The following SP4 variants were observed in gnomAD, a reference collection of about 807,000 sequenced individuals.
SP4 encodes transcription factor Sp4.
Under a neutral mutation model 72.8 loss-of-function variants are expected in SP4, and 19 were observed. That is an observed-to-expected ratio of 0.26 (90% confidence interval 0.18 to 0.38). The LOEUF is 0.38. Among genes scored for constraint, SP4 ranks in the 10% least tolerant of loss-of-function variants. SP4 has a pLI of 1.00. For synonymous variants in SP4, 395 were observed against 333.1 expected, an observed-to-expected ratio of 1.19 and a Z score of -2.02; for missense variants, 1,008 against 926.3, an observed-to-expected ratio of 1.09 and a Z score of -1.14.
intron 5 of SP4, among the ~76,000 whole-genome samples, chr7:21,488,395 A>T (rs58025439): frequency 0.036 from 5,395 of 151,764 alleles, 353 homozygotes; most frequent in East Asian, 0.27. Context: ...ACTGTCTTCT[A>T]GAACATATTC....
chr7:21,446,259 C>T (rs1783423181), intron 3 of SP4, among the ~76,000 whole-genome samples: 2 of 152,020 alleles, frequency 1.3e-5, no homozygotes, highest in Non-Finnish European at 2.9e-5. Context: ...CTATCCTTAC[C>T]CTAAGCCACA....
At chr7:21,455,610 A>G (rs1201033801) in intron 3 of SP4, among the ~76,000 whole-genome samples, 1 of 152,126 alleles carries the variant, frequency 6.6e-6, no homozygotes, top group Admixed American at 6.6e-5. Flanking sequence ...CCCATTTGAG[A>G]ACATTGGAGA....
At chr7:21,500,688 C>A (rs1409477687) in intron 5 of SP4, among the ~76,000 whole-genome samples, 1 of 152,134 alleles carries the variant, frequency 6.6e-6, no homozygotes, top group African/African-American at 2.4e-5. Flanking sequence ...TCCATGTGGC[C>A]CCCTCCAGCA....
intron 3 of SP4, among the ~76,000 whole-genome samples, chr7:21,460,001 A>G (rs1367449593): frequency 6.6e-6 from 1 of 152,250 alleles, no homozygotes; most frequent in African/African-American, 2.4e-5. Flanking sequence ...AAAGATGGTA[A>G]TACTAAAATT....
chr7:21,501,155 G>C (rs1237554817), intron 5 of SP4, among the ~76,000 whole-genome samples: 1 of 152,056 alleles, frequency 6.6e-6, no homozygotes, highest in African/African-American at 2.4e-5. Context: ...CCCTGCTTAA[G>C]TTTCGATTTC....
intron 3 of SP4, 113 bp downstream of exon 3, chr7:21,430,956 T>C (rs906355416): frequency 5.5e-6 from 4 of 724,048 alleles, no homozygotes; most frequent in East Asian, 2.6e-5. Context: ...CACACAATCA[T>C]AAGGAACCAG....
In SP4 at chr7:21,444,078, G is replaced by GT. The variant is rs1168721982; in HGVS notation, c.1678+13239dup. Among the ~76,000 whole-genome samples, 25 of 152,152 alleles carry GT rather than the reference G, an allele frequency of 1.6e-4. 1 individual carries two copies. Among genetic ancestry groups the GT allele is most frequent in the Admixed American group, 1.6e-3 (25 of 15,270 alleles). On this transcript the variant is annotated intron_variant, in intron 3 of 5. Coordinates refer to ENST00000222584, the MANE Select transcript of SP4 (RefSeq NM_003112.5). ...ATTTTAATTATAGGGCAAGTAAATG[G>GT]TTTTAATATCCCCTTGTTAGACTTT...
At chr7:21,456,338 CA>C (rs1323898446) in intron 3 of SP4, among the ~76,000 whole-genome samples, 2 of 152,170 alleles carry the variant, frequency 1.3e-5, no homozygotes, top group Non-Finnish European at 2.9e-5. Flanking sequence ...TTAACAGGAA[CA>C]AAAGGTGTAT....
At chr7:21,508,634 A>G (rs1298570038) in intron 5 of SP4, among the ~76,000 whole-genome samples, 1 of 151,876 alleles carries the variant, frequency 6.6e-6, no homozygotes, top group Non-Finnish European at 1.5e-5. Context: ...GCCTAAATAC[A>G]GTTTGTTTGT....
intron 5 of SP4, among the ~76,000 whole-genome samples, chr7:21,496,051 A>G (rs1044227396): frequency 1.3e-5 from 2 of 152,314 alleles, no homozygotes; most frequent in Non-Finnish European, 2.9e-5. Flanking sequence ...AATCAAAACT[A>G]TAAGGACAGA....
intron 5 of SP4, among the ~76,000 whole-genome samples, chr7:21,502,055 G>C (rs1462655837): frequency 3.4e-5 from 2 of 58,836 alleles, no homozygotes; most frequent in African/African-American, 2.0e-4. Context: ...CCCCCCCCCG[G>C]AACTCCTATA....
chr7:21,443,707 C>A (rs1289807533), intron 3 of SP4, among the ~76,000 whole-genome samples: 2 of 152,056 alleles, frequency 1.3e-5, no homozygotes, highest in African/African-American at 4.8e-5. Flanking sequence ...TTGCTCTGGT[C>A]TAGTTGGGGA....
chr7:21,470,943 AAGC>A (rs1350301720), intron 3 of SP4: 1 of 427,674 alleles, frequency 2.3e-6, no homozygotes, highest in Non-Finnish European at 4.8e-6. Flanking sequence ...TTATTTTACA[AAGC>A]AGTTTCATTG....
chr7:21,504,318 G>A (rs1417737998), intron 5 of SP4, among the ~76,000 whole-genome samples: 2 of 152,160 alleles, frequency 1.3e-5, no homozygotes, highest in South Asian at 2.1e-4. Context: ...TTTCAAAAGT[G>A]TGTTCCAACC....
Position 21,513,121 on chromosome 7 carries a change from C to G in SP4, c.*1852C>G, listed in dbSNP as rs181112423. On this transcript the variant is annotated 3_prime_UTR_variant, in exon 6 of 6. Transcript: ENST00000222584. ...ATTCTCTATAATTTCAGGAAAAGTA[C>G]TAATGCGAATTCTCTTCCAAAATTG... 2 of 152,590 alleles carry G rather than the reference C, an allele frequency of 1.3e-5. No homozygotes were observed. The highest frequency in any genetic ancestry group is 3.9e-4 in the East Asian group (2 of 5,172). 9.5% of individuals were successfully genotyped at this position (152,590 alleles called of 1,614,324 possible).
rs903178946 is a variant in SP4 at position 21,481,999 on chromosome 7, A to G, written c.1983A>G (p.Thr661=). ...IEGCGKVYGK[T]SHLRAHLRWH... ...GATGTGGTAAAGTTTATGGCAAAAC[A>G]TCTCATTTACGAGCACATCTTCGCT... Residue 661 remains threonine (T), a synonymous_variant, in exon 5 of 6, where the codon ACA becomes ACG. Transcript: ENST00000222584. The G allele has an allele frequency of 1.2e-6, 2 of 1,613,952 alleles. No homozygotes were observed. The highest frequency in any genetic ancestry group is 1.7e-6 in the Non-Finnish European group (2 of 1,179,916).
Position 21,430,731 on chromosome 7 carries a change from G to C in SP4, c.1566G>C (p.Leu522Phe). 1 of 1,614,164 alleles carries C rather than the reference G, an allele frequency of 6.2e-7. No homozygotes were observed. Among genetic ancestry groups the C allele is most frequent in the Non-Finnish European group, 8.5e-7 (1 of 1,180,024 alleles). ...PVAVAGAPITLNTAQLASVPN... is the reference protein window; with the variant it reads ...PVAVAGAPITFNTAQLASVPN... ...CTGTTGCTGGTGCCCCAATAACTTT[G>C]AATACTGCCCAGCTTGCATCAGTGC... The change falls in exon 3 of 6, where the codon TTG becomes TTC. Residue 522 changes from leucine (L) to phenylalanine (F), a missense_variant. Leu to Phe is a conservative substitution (Grantham distance 22). This residue lies in a region of SP4 where 893 missense variants were observed against 743.3 expected (regional missense o/e 1.20). Coordinates refer to ENST00000222584, the MANE Select transcript of SP4 (RefSeq NM_003112.5).
intron 5 of SP4, among the ~76,000 whole-genome samples, chr7:21,483,487 A>G (rs1333863915): frequency 6.6e-6 from 1 of 151,910 alleles, no homozygotes; most frequent in Non-Finnish European, 1.5e-5. Context: ...TAATAGCTTT[A>G]AAGTTTTATT....
intron 3 of SP4, among the ~76,000 whole-genome samples, chr7:21,462,027 GTTTT>G (rs773196151): frequency 3.8e-5 from 5 of 132,816 alleles, no homozygotes; most frequent in Middle Eastern, 3.6e-3. Context: ...TTTAGTTTTA[GTTTT>G]TTTTTTTTTT....
Sources: allele counts gnomAD v4.1 joint callset (sites outside exome capture counted in the v4.1 genomes callset), GRCh38; gene constraint gnomAD v4.1.1; regional missense constraint gnomAD v4.1.1; transcripts MANE v1.5; gene names NCBI Gene and HGNC (gene_info 2026-07-23, HGNC 2026-07-21).